Variants in RSU1 observed in about 807,000 individuals in gnomAD.
The protein encoded by RSU1 is rsu-1.
In RSU1, 26 loss-of-function variants were observed where a neutral mutation model predicts 31.1. The observed-to-expected ratio is 0.84, with a 90% CI of 0.61 to 1.16. RSU1 has a LOEUF of 1.16. RSU1 is among the 50% of genes most tolerant of loss of function. The pLI, the probability that RSU1 is intolerant of heterozygous loss-of-function variation, is 0.00. For missense variants in RSU1, 320 were observed against 339.1 expected (o/e 0.94, Z 0.44); for synonymous variants, 164 against 136.3 (o/e 1.20, Z -1.41).
At chr10:16,730,518 A>ACC (rs1836486673) in intron 7 of RSU1, among the ~76,000 whole-genome samples, 1 of 151,612 alleles carries the variant, frequency 6.6e-6, no homozygotes, top group Non-Finnish European at 1.5e-5. Context: ...CTATTAGCCA[A>ACC]CCCCCCAGCT....
intron 8 of RSU1, among the ~76,000 whole-genome samples, chr10:16,635,351 G>A (rs1383055001): frequency 6.6e-6 from 1 of 151,950 alleles, no homozygotes; most frequent in Non-Finnish European, 1.5e-5. Context: ...TCCTCTCTCT[G>A]CAAAACTCTA....
intron 2 of RSU1, among the ~76,000 whole-genome samples, chr10:16,796,895 C>G (rs1838048336): frequency 6.6e-6 from 1 of 152,158 alleles, no homozygotes; most frequent in Non-Finnish European, 1.5e-5. Flanking sequence ...GACAAGCTAC[C>G]AGTAACCCAA....
chr10:16,621,555 T>C (rs943096672), intron 8 of RSU1, among the ~76,000 whole-genome samples: 4 of 152,184 alleles, frequency 2.6e-5, no homozygotes, highest in East Asian at 3.8e-4. Flanking sequence ...CTGGGTAATT[T>C]ATCAGGAAAA....
chr10:16,764,590 T>G, intron 3 of RSU1, 80 bp from the exon 4 acceptor site: 2 of 1,445,566 alleles, frequency 1.4e-6, no homozygotes, highest in Non-Finnish European at 1.9e-6. Context: ...TTTGTTTTTC[T>G]TTCAAAGCAA....
intron 4 of RSU1, among the ~76,000 whole-genome samples, chr10:16,755,809 T>A (rs1054348752): frequency 3.9e-5 from 6 of 152,216 alleles, no homozygotes; most frequent in African/African-American, 1.2e-4. Context: ...AGGTTTACTT[T>A]TTTACATTCC....
At chr10:16,731,936 G>A (rs1437933525) in intron 7 of RSU1, among the ~76,000 whole-genome samples, 1 of 152,064 alleles carries the variant, frequency 6.6e-6, no homozygotes, top group Non-Finnish European at 1.5e-5. Context: ...AGGTCCCATG[G>A]TCAAGTATAT....
At chr10:16,699,479 C>T (rs890201849) in intron 7 of RSU1, among the ~76,000 whole-genome samples, 2 of 152,206 alleles carry the variant, frequency 1.3e-5, no homozygotes, top group Admixed American at 6.5e-5. Context: ...TGTCAGCTGT[C>T]GGAGGTAGGT....
chr10:16,645,941 T>TAC (rs1564298347), intron 8 of RSU1, among the ~76,000 whole-genome samples: 1 of 50,198 alleles, frequency 2.0e-5, no homozygotes, highest in African/African-American at 1.1e-4. Flanking sequence ...CATATGTGTA[T>TAC]ATATATGTGT....
rs137968666 is a variant in RSU1, at chr10:16,811,700, T to C, written c.109+5273A>G. Among the ~76,000 whole-genome samples, 457 of 152,310 alleles carry C rather than the reference T, an allele frequency of 3.0e-3. 2 individuals carry two copies. The highest frequency in any genetic ancestry group is 0.01 in the African/African-American group (433 of 41,562). On this transcript the variant is annotated intron_variant, in intron 2 of 8. Transcript: ENST00000345264. ...CCTATCATACAATCAAAAATAGAAG[T>C]TGTCAGTTCCATCTTGTTCCTGATA...
At chr10:16,654,516 A>G (rs1001819211) in intron 8 of RSU1, among the ~76,000 whole-genome samples, 18 of 150,884 alleles carry the variant, frequency 1.2e-4, no homozygotes, top group East Asian at 2.0e-4. Flanking sequence ...CTAAAAATAC[A>G]AAAATTGGCT....
chr10:16,785,526 A>ACACATATATACATATATACATATATAT (rs1240281059), intron 2 of RSU1, among the ~76,000 whole-genome samples: 1 of 141,830 alleles, frequency 7.1e-6, no homozygotes, highest in African/African-American at 2.9e-5. Context: ...ATATATATAT[A>ACACATATATACATATATACATATATAT]ATATTAGTTC....
At chr10:16,674,436 G>A (rs960227605) in intron 8 of RSU1, among the ~76,000 whole-genome samples, 1 of 144,290 alleles carries the variant, frequency 6.9e-6, no homozygotes, top group African/African-American at 2.6e-5. Context: ...TAACAGAAAT[G>A]TTTACACTGC....
chr10:16,695,159 G>A lies in RSU1; in HGVS notation c.599-4C>T, dbSNP rs779459591. 7 of 1,310,246 alleles carry A rather than the reference G, an allele frequency of 5.3e-6. No individual in the cohort carries two copies. In the African/African-American group the frequency reaches 1.6e-4, roughly 30 times the overall value. The allele number at this position is 1,310,246 out of a possible 1,614,324, so 81.2% of individuals were successfully genotyped here. ...TGGCCAGTTAAATCCAAGTTTCCTGGGGGGGGGGAAAAAAAAAGTGAAGGT... is the reference window on the plus strand; with the variant it reads ...TGGCCAGTTAAATCCAAGTTTCCTGAGGGGGGGGAAAAAAAAAGTGAAGGT... On this transcript the variant is annotated splice_region_variant and splice_polypyrimidine_tract_variant and intron_variant, in intron 7 of 8. Coordinates refer to ENST00000345264, the MANE Select transcript of RSU1 (RefSeq NM_012425.4).
chr10:16,604,832 G>T (rs1373241680), intron 8 of RSU1, among the ~76,000 whole-genome samples: 1 of 152,168 alleles, frequency 6.6e-6, no homozygotes, highest in Non-Finnish European at 1.5e-5. Context: ...TTACACACAA[G>T]CACGGGGCCA....
intron 3 of RSU1, among the ~76,000 whole-genome samples, chr10:16,777,348 GA>G (rs1837554431): frequency 6.6e-6 from 1 of 151,682 alleles, no homozygotes; most frequent in African/African-American, 2.4e-5. Flanking sequence ...TGGAGGAAGA[GA>G]AATGTTTCTA....
At chr10:16,704,034 G>A (rs955825716) in intron 7 of RSU1, among the ~76,000 whole-genome samples, 1 of 152,130 alleles carries the variant, frequency 6.6e-6, no homozygotes, top group Non-Finnish European at 1.5e-5. Context: ...GGATGATGGT[G>A]TTTCTGGTCG....
At chr10:16,674,636 G>A (rs1225752400) in intron 8 of RSU1, among the ~76,000 whole-genome samples, 5 of 152,060 alleles carry the variant, frequency 3.3e-5, no homozygotes, top group South Asian at 2.1e-4. Flanking sequence ...GGTGGTGGGC[G>A]ATGGGGTCCA....
chr10:16,739,902 T>G (rs1448183933), intron 7 of RSU1, among the ~76,000 whole-genome samples: 1 of 152,092 alleles, frequency 6.6e-6, no homozygotes, highest in Non-Finnish European at 1.5e-5. Context: ...TGAGCCACCG[T>G]GCCCGGCCAA....
chr10:16,774,099 TAA>T (rs55846639), intron 3 of RSU1, among the ~76,000 whole-genome samples: 30,052 of 144,382 alleles, frequency 0.21, 3,212 homozygotes, highest in African/African-American at 0.29. Context: ...GGTATTCCGT[TAA>T]AAAAAAAAAA....
Sources: allele counts gnomAD v4.1 joint callset (sites outside exome capture counted in the v4.1 genomes callset), GRCh38; gene constraint gnomAD v4.1.1; transcripts MANE v1.5; gene names NCBI Gene and HGNC (gene_info 2026-07-23, HGNC 2026-07-21).